Variants in PGBD2 observed in about 807,000 individuals in gnomAD.
PGBD2 encodes the protein piggyBac transposable element-derived protein 2.
PGBD2 carries 6 observed loss-of-function variants against 8.1 expected under a neutral mutation model. That is an observed-to-expected ratio of 0.74 (90% CI 0.40 to 1.46). PGBD2 has a LOEUF of 1.46. Ranked by LOEUF, PGBD2 falls within the 40% of genes most tolerant of loss-of-function variation. The probability of loss-of-function intolerance (pLI) is 0.02; values close to 1 mark genes in which losing one functional copy is unlikely to be tolerated. For synonymous variants in PGBD2, 318 were observed against 272.2 expected (o/e 1.17, Z -1.66); for missense variants, 802 against 739.0 (o/e 1.09, Z -0.99).
Position 248,917,861 on chromosome 1 carries a change from T to A in PGBD2, c.1277T>A (p.Val426Glu). The A allele has an allele frequency of 1.2e-6, 2 of 1,614,192 alleles. No homozygotes were observed. The highest frequency in any genetic ancestry group is 1.7e-6 in the Non-Finnish European group (2 of 1,180,040). The stretch of plus-strand genomic sequence containing the variant: ...GTGGTCAACATTTGCTCCAATGCTG[T>A]GGGCATAGAGCCAGTGAGGCTGACC... ...SSVVNICSNA[V>E]GIEPVRLTSR... The change falls in exon 3 of 3, where the codon GTG becomes GAG. Residue 426 changes from valine (V) to glutamate (E), a missense_variant. By Grantham distance (121) the Val-to-Glu change is moderately radical. Transcript: ENST00000329291.
At chr1:248,904,348 C>T (rs563424067), upstream of PGBD2, among the ~76,000 whole-genome samples, 1 of 151,492 alleles carries the variant, frequency 6.6e-6, no homozygotes, top group African/African-American at 2.4e-5. Context: ...ACATTGTTTT[C>T]AAAGATTTGA....
chr1:248,883,600 T>C, the PGBD2 span, among the ~76,000 whole-genome samples: 1 of 142,568 alleles, frequency 7.0e-6, no homozygotes, highest in Non-Finnish European at 1.5e-5. Context: ...TTTTTTTTTT[T>C]TTTTTGAGAC....
chr1:248,927,725 G>C, the PGBD2 span, among the ~76,000 whole-genome samples: 2 of 152,154 alleles, frequency 1.3e-5, no homozygotes, highest in Non-Finnish European at 2.9e-5. Context: ...ATGCCTACAA[G>C]AGCTCTTGTT....
chr1:248,884,984 A>C, the PGBD2 span, among the ~76,000 whole-genome samples: 1 of 151,998 alleles, frequency 6.6e-6, no homozygotes, highest in African/African-American at 2.4e-5. Flanking sequence ...TTGTGCCTTA[A>C]ATTTAAAAGG....
chr1:248,873,964 T>C, the PGBD2 span, among the ~76,000 whole-genome samples: 4,393 of 152,230 alleles, frequency 0.029, 218 homozygotes, highest in African/African-American at 0.1. Flanking sequence ...TCTGACACAT[T>C]CGTTTTATTA....
chr1:248,922,250 G>A (rs537035509), downstream of PGBD2, among the ~76,000 whole-genome samples: 86 of 151,910 alleles, frequency 5.7e-4, no homozygotes, highest in African/African-American at 8.2e-4. Context: ...TGGTAGAGAC[G>A]GGGTTTCACC....
At chr1:248,894,778 T>C in the PGBD2 span, among the ~76,000 whole-genome samples, 278 of 147,976 alleles carry the variant, frequency 1.9e-3, 1 homozygote, top group African/African-American at 6.0e-3. Flanking sequence ...TCTCCTTCCT[T>C]CCTTTTCTCT....
the PGBD2 span, among the ~76,000 whole-genome samples, chr1:248,899,721 C>T: frequency 6.8e-6 from 1 of 146,776 alleles, no homozygotes; most frequent in Non-Finnish European, 1.5e-5. Context: ...TAACCAAGAT[C>T]AGAGTAGAAA....
At chr1:248,874,927 T>TAGATAGATAGATAGATAGATAGATAGAC in the PGBD2 span, among the ~76,000 whole-genome samples, 2 of 149,290 alleles carry the variant, frequency 1.3e-5, no homozygotes, top group African/African-American at 5.1e-5. Flanking sequence ...GATAGATAGA[T>TAGATAGATAGATAGATAGATAGATAGAC]AGATAGATAG....
At chr1:248,878,737 TAAA>T in the PGBD2 span, among the ~76,000 whole-genome samples, 1 of 152,250 alleles carries the variant, frequency 6.6e-6, no homozygotes, top group African/African-American at 2.4e-5. Context: ...GTCTTTGATG[TAAA>T]ATTAGTTTCC....
At chr1:248,922,055 CTTTTTTCTTTTTT>C (rs1446280220), downstream of PGBD2, among the ~76,000 whole-genome samples, 2 of 147,038 alleles carry the variant, frequency 1.4e-5, no homozygotes, top group African/African-American at 5.0e-5. Flanking sequence ...GTTTTCTTTT[CTTTTTTCTTTTTT>C]TTTTTTTTTG....
the PGBD2 span, among the ~76,000 whole-genome samples, chr1:248,882,350 A>G: frequency 6.6e-6 from 1 of 152,218 alleles, no homozygotes; most frequent in South Asian, 2.1e-4. Context: ...GAAGTACAGT[A>G]TACAGAGATA....
upstream of PGBD2, among the ~76,000 whole-genome samples, chr1:248,901,351 G>T (rs546560438): frequency 2.0e-5 from 3 of 152,150 alleles, no homozygotes; most frequent in African/African-American, 7.2e-5. Context: ...ATATAAGAAG[G>T]CTATGGTAAC....
chr1:248,917,424 G>T lies in PGBD2; in HGVS notation c.840G>T (p.Gly280=). 6.2e-7 allele frequency: 1 copy of T among 1,614,120 alleles called. No homozygotes were observed. The highest frequency in any genetic ancestry group is 1.1e-5 in the South Asian group (1 of 91,078). The part of the protein sequence containing the change: ...ESMCEYFGHR[G]SKQLHRGKPV... The stretch of plus-strand genomic sequence containing the variant: ...TGTGTGAGTACTTTGGGCACCGGGG[G>T]TCCAAGCAGCTGCACAGGGGGAAGC... Residue 280 remains glycine, a synonymous_variant, in exon 3 of 3, where the codon GGG becomes GGT. Transcript: ENST00000329291.
Position 248,913,862 on chromosome 1 carries a change from C to T in PGBD2, c.-1C>T. On this transcript the variant is annotated 5_prime_UTR_variant, in exon 2 of 3. Transcript: ENST00000329291. ...AGACAGCTTCATCTTCCCAGTTCAT[C>T]ATGGCTTCAACATCCAGGTAGGAGT... The T allele has an allele frequency of 6.2e-7, 1 of 1,609,034 alleles. No homozygotes were observed. Among genetic ancestry groups the T allele is most frequent in the Non-Finnish European group, 8.5e-7 (1 of 1,175,334 alleles).
At chr1:248,886,932 A>G in the PGBD2 span, among the ~76,000 whole-genome samples, 1 of 152,242 alleles carries the variant, frequency 6.6e-6, no homozygotes, top group Non-Finnish European at 1.5e-5. Context: ...TCAAGGGGGT[A>G]AAACTCTGCA....
At chr1:248,873,962 A>G in the PGBD2 span, among the ~76,000 whole-genome samples, 98 of 152,240 alleles carry the variant, frequency 6.4e-4, no homozygotes, top group East Asian at 6.2e-3. Context: ...CTTCTGACAC[A>G]TTCGTTTTAT....
At chr1:248,889,721 A>T in the PGBD2 span, among the ~76,000 whole-genome samples, 6 of 152,138 alleles carry the variant, frequency 3.9e-5, no homozygotes, top group Admixed American at 1.3e-4. Context: ...CCAGTAAAAC[A>T]GTGGGCCTTA....
At chr1:248,906,215 G>GCAGCC (rs1661626045), upstream of PGBD2, 1 of 152,014 alleles carries the variant, frequency 6.6e-6, no homozygotes, top group Non-Finnish European at 1.5e-5. Context: ...CGGCCGAGGT[G>GCAGCC]CAGCGAGCCC....
Sources: gnomAD v4.1 joint callset for allele counts (sites outside exome capture counted in the v4.1 genomes callset) on GRCh38, gnomAD v4.1.1 for gene constraint, MANE v1.5 for transcripts, NCBI Gene and HGNC (gene_info 2026-07-23, HGNC 2026-07-21) for gene names.